SDK2: variants seen among roughly 807,000 people sequenced by gnomAD.
The protein encoded by SDK2 is protein sidekick-2.
In SDK2, 105 loss-of-function variants were observed where a neutral mutation model predicts 253.9. That is an observed-to-expected ratio of 0.41 (90% confidence interval 0.35 to 0.49). The LOEUF is 0.49. SDK2 is among the 20% of genes least tolerant of loss of function. The pLI is 0.06. For missense variants in SDK2, 2,608 were observed against 3,003.0 expected, an observed-to-expected ratio of 0.87 and a Z score of 3.07; for synonymous variants, 1,249 against 1,234.9, an observed-to-expected ratio of 1.01 and a Z score of -0.24.
chr17:73,552,771 G>A (rs1484840507), intron 1 of SDK2, among the ~76,000 whole-genome samples: 3 of 152,186 alleles, frequency 2.0e-5, no homozygotes, highest in South Asian at 4.1e-4. Flanking sequence ...CTTCCCAGAC[G>A]AAGTTCCCTA....
Position 73,379,755 on chromosome 17 carries a change from T to C in SDK2, c.4763-206A>G, listed in dbSNP as rs1489921467. 6.6e-6 allele frequency among the ~76,000 whole-genome samples: 1 copy of C among 152,140 alleles called. No individual in the cohort carries two copies. The highest frequency in any genetic ancestry group is 2.4e-5 in the African/African-American group (1 of 41,408). ...CAATCTGGACATAGGGCAATGCTGG[T>C]TGGCCTCTTGGCCTAGGGTGGCCGT... On this transcript the variant is annotated intron_variant, in intron 34 of 44. Coordinates refer to ENST00000392650, the MANE Select transcript of SDK2 (RefSeq NM_001144952.2). The surrounding 1 kb of genome is among the most constrained non-coding windows in gnomAD (Gnocchi z 4.5).
intron 29 of SDK2, among the ~76,000 whole-genome samples, chr17:73,388,323 C>G (rs2062891795): frequency 6.6e-6 from 1 of 152,190 alleles, no homozygotes; most frequent in African/African-American, 2.4e-5. Flanking sequence ...GAGTGACAAA[C>G]ACCCACCCAG....
intron 1 of SDK2, among the ~76,000 whole-genome samples, chr17:73,635,261 T>A (rs144970653): frequency 2.6e-5 from 4 of 152,312 alleles, no homozygotes; most frequent in African/African-American, 7.2e-5. Context: ...GTGCTGGGAT[T>A]ACAGGTGTGA....
chr17:73,355,174 A>ATATATATATTTTTTTTTTTTTT, intron 40 of SDK2, among the ~76,000 whole-genome samples: 1 of 47,236 alleles, frequency 2.1e-5, no homozygotes, highest in Non-Finnish European at 3.4e-5. Flanking sequence ...ATATATATAT[A>ATATATATATTTTTTTTTTTTTT]TTTTTTTTTT....
chr17:73,510,092 G>T (rs2063968878), intron 1 of SDK2, among the ~76,000 whole-genome samples: 1 of 151,744 alleles, frequency 6.6e-6, no homozygotes, highest in South Asian at 2.1e-4. Context: ...CATAAGGAAG[G>T]CCCAGAGCCC....
chr17:73,505,770 G>A (rs905343153), intron 2 of SDK2, among the ~76,000 whole-genome samples: 2 of 148,670 alleles, frequency 1.3e-5, no homozygotes, highest in African/African-American at 2.5e-5. Context: ...CCTCATCATC[G>A]TCAATAGCTG....
chr17:73,530,372 T>C (rs1339625061), intron 1 of SDK2, among the ~76,000 whole-genome samples: 4 of 152,084 alleles, frequency 2.6e-5, no homozygotes, highest in Admixed American at 6.6e-5. Context: ...CAAACACTTA[T>C]AAAATCATCC....
rs146198916 is a variant in SDK2, at chr17:73,483,479, TTGTGTGTG to T, written c.225-11269_225-11262del. On this transcript the variant is annotated intron_variant, in intron 2 of 44. Coordinates refer to ENST00000392650, the MANE Select transcript of SDK2 (RefSeq NM_001144952.2). ...GTGCACCACCACACCTGGCTAATCT[TTGTGTGTG>T]TGTGTGTGTGTGTGTGTGTGTGTAT... Among the ~76,000 whole-genome samples the T allele has an allele frequency of 9.2e-3, 1,176 of 127,654 alleles. 18 individuals are homozygous for T. The highest frequency in any genetic ancestry group is 0.032 in the African/African-American group (1,053 of 32,770). 83.7% of individuals were successfully genotyped at this position (127,654 alleles called of 152,430 possible).
intron 12 of SDK2, 48 bp downstream of exon 12, chr17:73,430,463 A>G: frequency 7.0e-7 from 1 of 1,422,350 alleles, no homozygotes; most frequent in Non-Finnish European, 9.8e-7. Flanking sequence ...AGCTATTGCC[A>G]GAGGCTCCCC....
At chr17:73,627,730 AGT>A (rs2046219902) in intron 1 of SDK2, among the ~76,000 whole-genome samples, 1 of 152,132 alleles carries the variant, frequency 6.6e-6, no homozygotes, top group African/African-American at 2.4e-5. Context: ...CCAACCCTCG[AGT>A]GTGAGGATGT....
intron 3 of SDK2, among the ~76,000 whole-genome samples, chr17:73,471,428 T>G (rs2063649909): frequency 6.6e-6 from 1 of 152,084 alleles, no homozygotes; most frequent in Non-Finnish European, 1.5e-5. Flanking sequence ...TGAAACCCTA[T>G]CTCTACTAAA....
At chr17:73,485,208 G>C (rs371023269) in intron 2 of SDK2, among the ~76,000 whole-genome samples, 85 of 152,130 alleles carry the variant, frequency 5.6e-4, no homozygotes, top group African/African-American at 2.0e-3. Context: ...TGGAGAGGTG[G>C]GAGCTGGGCC....
intron 1 of SDK2, among the ~76,000 whole-genome samples, chr17:73,588,602 G>C (rs1421195587): frequency 2.7e-5 from 4 of 149,752 alleles, no homozygotes. Context: ...GGGACATCTG[G>C]AAGCATTTTT....
chr17:73,425,995 A>G (rs137953405), intron 12 of SDK2, among the ~76,000 whole-genome samples: 1 of 152,174 alleles, frequency 6.6e-6, no homozygotes, highest in Non-Finnish European at 1.5e-5. Context: ...GATACAGTAT[A>G]TTTACATGAA....
chr17:73,466,677 G>C (rs925767040), intron 3 of SDK2, among the ~76,000 whole-genome samples: 1 of 145,978 alleles, frequency 6.9e-6, no homozygotes, highest in Non-Finnish European at 1.5e-5. Context: ...TTACACAATG[G>C]CACAGCAGGA....
At chr17:73,626,492 A>T (rs1224139185) in intron 1 of SDK2, among the ~76,000 whole-genome samples, 1 of 152,200 alleles carries the variant, frequency 6.6e-6, no homozygotes, top group Non-Finnish European at 1.5e-5. Context: ...GGAAAAGGCC[A>T]AGTGGATTGG....
intron 1 of SDK2, among the ~76,000 whole-genome samples, chr17:73,553,488 A>G (rs1187738585): frequency 6.6e-6 from 1 of 152,138 alleles, no homozygotes; most frequent in African/African-American, 2.4e-5. Context: ...GTCACCCCCA[A>G]GCCCTGCCGG....
chr17:73,387,695 G>T (rs1000794386), intron 30 of SDK2, 141 bp downstream of exon 30: 12 of 688,536 alleles, frequency 1.7e-5, no homozygotes, highest in African/African-American at 1.4e-4. Context: ...GGACGCGGGG[G>T]CCGCCTGGGT....
At chr17:73,416,390 T>G (rs2063182933) in intron 16 of SDK2, among the ~76,000 whole-genome samples, 1 of 151,684 alleles carries the variant, frequency 6.6e-6, no homozygotes, top group Non-Finnish European at 1.5e-5. Flanking sequence ...AGAGACAGGG[T>G]TTCACCATGT....
Sources: gnomAD v4.1 joint callset for allele counts (sites outside exome capture counted in the v4.1 genomes callset) on GRCh38, gnomAD v4.1.1 for gene constraint, Gnocchi (gnomAD v3.1) non-coding constraint, MANE v1.5 for transcripts, NCBI Gene and HGNC (gene_info 2026-07-23, HGNC 2026-07-21) for gene names.